Variants in RPS6KC1 observed in about 807,000 individuals in gnomAD.
The protein encoded by RPS6KC1 is ribosomal protein S6 kinase C1.
RPS6KC1 carries 54 observed loss-of-function variants against 103.8 expected under a neutral mutation model. That is an observed-to-expected ratio of 0.52 (90% CI 0.42 to 0.65). The LOEUF (loss-of-function observed/expected upper bound fraction) is 0.65, where lower values mean the gene tolerates loss of function less well. RPS6KC1 is among the 30% of genes least tolerant of loss of function. The probability of loss-of-function intolerance (pLI) is 0.00; values close to 1 mark genes in which losing one functional copy is unlikely to be tolerated. For synonymous variants in RPS6KC1, 439 were observed against 438.7 expected, an observed-to-expected ratio of 1.00 and a Z score of -0.01; for missense variants, 1,151 against 1,253.8, an observed-to-expected ratio of 0.92 and a Z score of 1.24.
the RPS6KC1 span, among the ~76,000 whole-genome samples, chr1:213,685,797 C>G: frequency 6.6e-6 from 1 of 152,018 alleles, no homozygotes; most frequent in Admixed American, 6.6e-5. Flanking sequence ...AAATAAGCAC[C>G]CTAAAAGTGT....
chr1:213,646,899 T>TATATATATATA, the RPS6KC1 span, among the ~76,000 whole-genome samples: 1 of 100,544 alleles, frequency 9.9e-6, no homozygotes, highest in African/African-American at 3.9e-5. Context: ...ATATATATAT[T>TATATATATATA]TTTGTTTGTT....
the RPS6KC1 span, among the ~76,000 whole-genome samples, chr1:213,476,666 A>G: frequency 6.6e-6 from 1 of 152,164 alleles, no homozygotes; most frequent in African/African-American, 2.4e-5. Context: ...GAGAAATTTC[A>G]CCCAGGAAGC....
the RPS6KC1 span, among the ~76,000 whole-genome samples, chr1:213,388,340 A>C: frequency 1.2e-4 from 19 of 152,210 alleles, no homozygotes; most frequent in African/African-American, 4.6e-4. Context: ...TGGGCACCTC[A>C]GTGCCTGTTC....
chr1:213,449,748 T>C, the RPS6KC1 span, among the ~76,000 whole-genome samples: 2 of 152,194 alleles, frequency 1.3e-5, no homozygotes, highest in Admixed American at 1.3e-4. Flanking sequence ...ACCATCAATG[T>C]TTGCTTTGTG....
intron 3 of RPS6KC1, among the ~76,000 whole-genome samples, chr1:213,083,887 C>T (rs1355190997): frequency 6.6e-6 from 1 of 152,098 alleles, no homozygotes; most frequent in African/African-American, 2.4e-5. Flanking sequence ...CTGTAGCTTC[C>T]ATCTTGTGTG....
chr1:213,197,979 T>C (rs954273965), intron 8 of RPS6KC1, among the ~76,000 whole-genome samples: 3 of 152,192 alleles, frequency 2.0e-5, no homozygotes, highest in African/African-American at 7.2e-5. Flanking sequence ...GGTATTGTTC[T>C]ATTCCTGATG....
intron 6 of RPS6KC1, among the ~76,000 whole-genome samples, chr1:213,137,403 G>A (rs1246592700): frequency 2.0e-5 from 3 of 151,396 alleles, no homozygotes; most frequent in Non-Finnish European, 2.9e-5. Context: ...GCGCAATCTC[G>A]GCTCACCACA....
downstream of RPS6KC1, among the ~76,000 whole-genome samples, chr1:213,278,929 C>CG (rs1558682866): frequency 6.6e-6 from 1 of 151,056 alleles, no homozygotes; most frequent in Non-Finnish European, 1.5e-5. Flanking sequence ...GGAAAGTTCT[C>CG]GGGGGGACAA....
chr1:213,251,346 T>G (rs1402026641), intron 12 of RPS6KC1, among the ~76,000 whole-genome samples: 2 of 152,172 alleles, frequency 1.3e-5, no homozygotes, highest in African/African-American at 4.8e-5. Context: ...CCTCAGGTCA[T>G]CCACCTGCCT....
At chr1:213,667,082 T>C in the RPS6KC1 span, among the ~76,000 whole-genome samples, 2 of 152,204 alleles carry the variant, frequency 1.3e-5, no homozygotes, top group Non-Finnish European at 2.9e-5. Flanking sequence ...CACACCTTTA[T>C]TGTTGGGCAT....
chr1:213,209,884 CTT>C (rs1477522315), intron 8 of RPS6KC1, among the ~76,000 whole-genome samples: 1 of 152,026 alleles, frequency 6.6e-6, no homozygotes, highest in East Asian at 1.9e-4. Context: ...TGTTCCTACT[CTT>C]TTTAGACTAT....
At chr1:213,536,348 A>G in the RPS6KC1 span, among the ~76,000 whole-genome samples, 1 of 152,210 alleles carries the variant, frequency 6.6e-6, no homozygotes, top group Non-Finnish European at 1.5e-5. Flanking sequence ...CACTGGACTG[A>G]CAGTGGAGGA....
At chr1:213,077,861 T>A in intron 3 of RPS6KC1, 45 bp downstream of exon 3, 1 of 1,187,306 alleles carries the variant, frequency 8.4e-7, no homozygotes, top group Non-Finnish European at 1.2e-6. Flanking sequence ...ATAATTAATT[T>A]TGTATATATA....
chr1:213,834,809 G>T, the RPS6KC1 span, among the ~76,000 whole-genome samples: 2 of 151,980 alleles, frequency 1.3e-5, no homozygotes, highest in African/African-American at 4.8e-5. Flanking sequence ...ACTGTTTTCC[G>T]CATTCTGTAT....
At chr1:213,395,643 A>G in the RPS6KC1 span, among the ~76,000 whole-genome samples, 8 of 152,226 alleles carry the variant, frequency 5.3e-5, no homozygotes, top group African/African-American at 1.9e-4. Flanking sequence ...CAATTTCTGT[A>G]GTGTAAATAC....
the RPS6KC1 span, among the ~76,000 whole-genome samples, chr1:213,498,007 G>A: frequency 6.6e-6 from 1 of 152,030 alleles, no homozygotes; most frequent in Non-Finnish European, 1.5e-5. Flanking sequence ...ACCGTTAAGG[G>A]AAAAAAATAA....
At chr1:213,787,147 A>G in the RPS6KC1 span, among the ~76,000 whole-genome samples, 2 of 112,832 alleles carry the variant, frequency 1.8e-5, no homozygotes, top group Non-Finnish European at 3.5e-5. Context: ...TCGTCTGTTT[A>G]TTTATTCATT....
At chr1:213,189,947 C>A (rs1488840658) in intron 8 of RPS6KC1, among the ~76,000 whole-genome samples, 3 of 152,120 alleles carry the variant, frequency 2.0e-5, no homozygotes, top group Non-Finnish European at 2.9e-5. Flanking sequence ...TGTAATTTGA[C>A]CTCAGCTTCT....
the RPS6KC1 span, among the ~76,000 whole-genome samples, chr1:213,493,381 A>G: frequency 6.6e-6 from 1 of 152,222 alleles, no homozygotes; most frequent in Admixed American, 6.5e-5. Flanking sequence ...GTGCCTGGCT[A>G]ATAGGCTCTG....
Sources: allele counts gnomAD v4.1 joint callset (sites outside exome capture counted in the v4.1 genomes callset), GRCh38; gene constraint gnomAD v4.1.1; transcripts MANE v1.5; gene names NCBI Gene and HGNC (gene_info 2026-07-23, HGNC 2026-07-21).